TSPAN9: variants seen among roughly 807,000 people sequenced by gnomAD.
TSPAN9 encodes tetraspanin 9.
TSPAN9 carries 16 observed loss-of-function variants against 31.0 expected under a neutral mutation model. The ratio of observed to expected loss-of-function variants is 0.52; its 90% CI spans 0.35 to 0.78. TSPAN9 has a LOEUF of 0.78. TSPAN9 is among the 30% of genes least tolerant of loss of function. TSPAN9 has a pLI of 0.01. For synonymous variants in TSPAN9, 145 were observed against 121.6 expected (o/e 1.19, Z -1.27); for missense variants, 272 against 312.5 (o/e 0.87, Z 0.98).
chr12:3,235,123 CA>C (rs2098392705), intron 3 of TSPAN9, among the ~76,000 whole-genome samples: 1 of 72,050 alleles, frequency 1.4e-5, no homozygotes, highest in Admixed American at 1.8e-4. Flanking sequence ...GCGGAGCTTG[CA>C]GTGAGCAGAG....
chr12:3,119,913 C>G (rs1300365138), intron 2 of TSPAN9, among the ~76,000 whole-genome samples: 1 of 152,138 alleles, frequency 6.6e-6, no homozygotes, highest in African/African-American at 2.4e-5. Context: ...GCCCCGGAGT[C>G]TGGTGTTGCT....
chr12:3,226,167 G>A (rs1026789624), intron 3 of TSPAN9, among the ~76,000 whole-genome samples: 2 of 152,076 alleles, frequency 1.3e-5, no homozygotes, highest in African/African-American at 4.8e-5. Context: ...GGTGTGATGG[G>A]GTGAGGGGAG....
At chr12:3,136,139 C>T (rs1440714549) in intron 2 of TSPAN9, among the ~76,000 whole-genome samples, 2 of 152,194 alleles carry the variant, frequency 1.3e-5, no homozygotes, top group Non-Finnish European at 2.9e-5. Context: ...TGCTGCACAT[C>T]AGCAGTGACG....
intron 2 of TSPAN9, among the ~76,000 whole-genome samples, chr12:3,135,080 G>A (rs1373080165): frequency 6.6e-6 from 1 of 151,994 alleles, no homozygotes; most frequent in African/African-American, 2.4e-5. Flanking sequence ...TAGAGTTGGG[G>A]CAACACTATT....
chr12:3,270,891 A>G (rs1023673149), intron 3 of TSPAN9, among the ~76,000 whole-genome samples: 1 of 152,234 alleles, frequency 6.6e-6, no homozygotes, highest in Non-Finnish European at 1.5e-5. Flanking sequence ...AAGGGTTACA[A>G]AGTTGGCTGG....
intron 3 of TSPAN9, among the ~76,000 whole-genome samples, chr12:3,202,016 C>T (rs73047986): frequency 0.19 from 29,055 of 152,190 alleles, 3,533 homozygotes; most frequent in South Asian, 0.28. Flanking sequence ...AAGCAGGGTG[C>T]CCCTGTCCTT....
chr12:3,233,637 CTTT>C (rs754359644), intron 3 of TSPAN9, among the ~76,000 whole-genome samples: 1 of 152,270 alleles, frequency 6.6e-6, no homozygotes, highest in East Asian at 1.9e-4. Context: ...ATTTTCCCTG[CTTT>C]TTAATATTTC....
chr12:3,106,720 G>A (rs780459669), intron 2 of TSPAN9, among the ~76,000 whole-genome samples: 12 of 152,188 alleles, frequency 7.9e-5, no homozygotes, highest in African/African-American at 2.4e-4. Context: ...GCAGTGAGCC[G>A]TGACGGTGCC....
In TSPAN9 at chr12:3,280,046, G is replaced by A. The variant is rs968849389; in HGVS notation, c.331-336G>A. On this transcript the variant is annotated intron_variant, in intron 5 of 8. Coordinates refer to ENST00000011898, the MANE Select transcript of TSPAN9 (RefSeq NM_006675.5). The surrounding 1 kb of genome is among the most constrained non-coding windows in gnomAD (Gnocchi z 4.5). ...GGGCGGGGGTGGCAGAGTGGCCTGTGTGTGTGGCTGGTCCTGGGATGGGGG... is the reference window on the plus strand; with the variant it reads ...GGGCGGGGGTGGCAGAGTGGCCTGTATGTGTGGCTGGTCCTGGGATGGGGG... 6.6e-6 allele frequency among the ~76,000 whole-genome samples: 1 copy of A among 152,068 alleles called. No individual in the cohort carries two copies. Among genetic ancestry groups the A allele is most frequent in the African/African-American group, 2.4e-5 (1 of 41,384 alleles).
At chr12:3,100,328 C>T (rs10744592) in intron 2 of TSPAN9, among the ~76,000 whole-genome samples, 1 of 151,952 alleles carries the variant, frequency 6.6e-6, no homozygotes, top group Non-Finnish European at 1.5e-5. Context: ...ACTCTCTGCT[C>T]TCCTCTCCTC....
At chr12:3,247,320 G>T (rs1302116808) in intron 3 of TSPAN9, among the ~76,000 whole-genome samples, 1 of 32,850 alleles carries the variant, frequency 3.0e-5, no homozygotes, top group South Asian at 1.4e-3. Context: ...CCCGCCACCC[G>T]CGTCCCCAAG....
intron 3 of TSPAN9, among the ~76,000 whole-genome samples, chr12:3,268,160 A>AGCCTGCCCTCTGTGCG (rs1565639161): frequency 1.2e-4 from 15 of 130,182 alleles, no homozygotes; most frequent in Admixed American, 1.5e-4. Context: ...CCCTCCGTGC[A>AGCCTGCCCTCTGTGCG]TTCCTGCAGC....
intron 5 of TSPAN9, among the ~76,000 whole-genome samples, chr12:3,279,939 AG>A (rs1862863496): frequency 1.3e-5 from 2 of 151,324 alleles, no homozygotes; most frequent in South Asian, 4.2e-4. Flanking sequence ...AGGGAGGTGA[AG>A]GTCACATGAC....
chr12:3,123,143 A>T (rs796435173), intron 2 of TSPAN9, among the ~76,000 whole-genome samples: 89 of 152,176 alleles, frequency 5.8e-4, no homozygotes, highest in African/African-American at 2.1e-3. Flanking sequence ...TGCCACAGTG[A>T]CTCAACTCCA....
chr12:3,239,018 C>A (rs989047143), intron 3 of TSPAN9, among the ~76,000 whole-genome samples: 2 of 152,254 alleles, frequency 1.3e-5, no homozygotes, highest in Non-Finnish European at 2.9e-5. Flanking sequence ...TGGCACCCAG[C>A]ATGGCGTTAG....
chr12:3,110,679 G>T (rs966229813), intron 2 of TSPAN9, among the ~76,000 whole-genome samples: 3 of 152,196 alleles, frequency 2.0e-5, no homozygotes, highest in African/African-American at 7.2e-5. Context: ...GTGAACACAT[G>T]AATGAATTGC....
In TSPAN9 at chr12:3,257,602, C is replaced by T. The variant is rs115699679; in HGVS notation, c.64-20819C>T. Among the ~76,000 whole-genome samples the T allele has an allele frequency of 5.0e-3, 758 of 152,158 alleles. 6 individuals carry two copies. The highest frequency in any genetic ancestry group is 0.017 in the African/African-American group (711 of 41,510). The stretch of plus-strand genomic sequence containing the variant: ...GAATAAATTATCCCCAACAAGCTCT[C>T]TTGTGAAAAGCCAGGCCTGTCTCCT... On this transcript the variant is annotated intron_variant, in intron 3 of 8. Transcript: ENST00000011898.
At chr12:3,179,760 C>T (rs927094833) in intron 2 of TSPAN9, among the ~76,000 whole-genome samples, 4 of 152,122 alleles carry the variant, frequency 2.6e-5, no homozygotes, top group Admixed American at 2.0e-4. Flanking sequence ...ATTTGGGGCA[C>T]GATTCTCCCC....
At chr12:3,087,882 G>A (rs1047547276) in intron 2 of TSPAN9, among the ~76,000 whole-genome samples, 1 of 152,190 alleles carries the variant, frequency 6.6e-6, no homozygotes. Context: ...CCTGGACACG[G>A]TACCTGGGAA....
Sources: gnomAD v4.1 joint callset for allele counts (sites outside exome capture counted in the v4.1 genomes callset) on GRCh38, gnomAD v4.1.1 for gene constraint, Gnocchi (gnomAD v3.1) non-coding constraint, MANE v1.5 for transcripts, NCBI Gene and HGNC (gene_info 2026-07-23, HGNC 2026-07-21) for gene names.